The following PNMA8A variants were observed in gnomAD, a reference collection of about 807,000 sequenced individuals.
PNMA8A encodes the protein PNMA family member 8A.
Under a neutral mutation model 26.6 loss-of-function variants are expected in PNMA8A, and 17 were observed. The ratio of observed to expected loss-of-function variants is 0.64; its 90% CI spans 0.44 to 0.96. The LOEUF is 0.96. Ranked by LOEUF, PNMA8A falls within the 40% of genes least tolerant of loss-of-function variation. The pLI, the probability that PNMA8A is intolerant of heterozygous loss-of-function variation, is 0.00. For synonymous variants in PNMA8A, 224 were observed against 182.0 expected (o/e 1.23, Z -1.86); for missense variants, 532 against 488.4 (o/e 1.09, Z -0.84).
At position 46,469,807 on chromosome 19, in the gene PNMA8A, G is replaced by A; in HGVS notation, c.1229C>T (p.Pro410Leu). Residue 410 changes from proline to leucine, a missense_variant, in exon 2 of 3, where the codon CCT (proline) becomes CTT (leucine). Transcript: ENST00000313683. ...SDQKAPRGQQ[P>L]AEATASTSRG... The stretch of plus-strand genomic sequence containing the variant: ...AGAGGTTGAGGCTGTTGCCTCGGCA[G>A]GCTGCTGGCCCCGAGGGGCCTTCTG... 6.2e-7 allele frequency: 1 copy of A among 1,614,222 alleles called. No individual in the cohort carries two copies. Among genetic ancestry groups the A allele is most frequent in the Non-Finnish European group, 8.5e-7 (1 of 1,180,034 alleles).
rs751903227 is a variant in PNMA8A, at chr19:46,470,212, T to C, written c.824A>G (p.Glu275Gly). The change falls in exon 2 of 3, where the codon GAG becomes GGG. Residue 275 changes from glutamate (E) to glycine (G), a missense_variant. By Grantham distance (98) the Glu-to-Gly change is moderately conservative. Transcript: ENST00000313683. The stretch of plus-strand genomic sequence containing the variant: ...CGCCATGCTTTCAGCATCACCCACC[T>C]CAGGATCCTCCAAGTTAGCTGTGCT... Reference protein sequence around the residue: ...SNSTANLEDPEVGDAESMAIS... With the variant: ...SNSTANLEDPGVGDAESMAIS... 2 of 1,614,202 alleles carry C rather than the reference T, an allele frequency of 1.2e-6. No homozygotes were observed. The highest frequency in any genetic ancestry group is 4.5e-5 in the East Asian group (2 of 44,884).
In PNMA8A at chr19:46,470,968, C is replaced by T. The variant is rs1601489264; in HGVS notation, c.68G>A (p.Arg23Lys). The change falls in exon 2 of 3, where the codon AGG becomes AAG. Residue 23 changes from arginine to lysine, a missense_variant. By Grantham distance (26) the Arg-to-Lys change is conservative. Transcript: ENST00000313683. ...WCRGMEVDIHRSLLVTGIPED... is the reference protein window; with the variant it reads ...WCRGMEVDIHKSLLVTGIPED... The stretch of plus-strand genomic sequence containing the variant: ...TGGGATGCCTGTGACCAACAAGGAC[C>T]TGTGGATGTCCACTTCCATTCCCCT... The T allele has an allele frequency of 1.3e-6, 1 of 780,916 alleles. No homozygotes were observed. The highest frequency in any genetic ancestry group is 2.4e-6 in the Non-Finnish European group (1 of 418,086). The allele number at this position is 780,916 out of a possible 1,614,324, so 48.4% of individuals were successfully genotyped here.
Position 46,469,841 on chromosome 19 carries a change from C to A in PNMA8A, c.1195G>T (p.Ala399Ser). 1 of 1,614,256 alleles carries A rather than the reference C, an allele frequency of 6.2e-7. No homozygotes were observed. The highest frequency in any genetic ancestry group is 8.5e-7 in the Non-Finnish European group (1 of 1,180,048). ...PKKGPGSRRE[A>S]SDQKAPRGQQ... The stretch of plus-strand genomic sequence containing the variant: ...CCCCGAGGGGCCTTCTGATCTGATG[C>A]CTCCCTTCTTGAGCCTGGCCCTTTC... Residue 399 changes from alanine (A) to serine (S), a missense_variant, in exon 2 of 3, where the codon GCA becomes TCA. Ala to Ser is a moderately conservative substitution (Grantham distance 99). Coordinates refer to ENST00000313683, the MANE Select transcript of PNMA8A (RefSeq NM_018215.4).
intron 2 of PNMA8A, 92 bp downstream of exon 2, chr19:46,469,641 C>G: frequency 7.2e-7 from 1 of 1,392,124 alleles, no homozygotes; most frequent in African/African-American, 1.4e-5. Flanking sequence ...CCCACCACCT[C>G]CTCGGGCTCC....
Position 46,468,302 on chromosome 19 carries a change from C to T in PNMA8A, c.*259G>A. On this transcript the variant is annotated 3_prime_UTR_variant, in exon 3 of 3. Coordinates refer to ENST00000313683, the MANE Select transcript of PNMA8A (RefSeq NM_018215.4). The stretch of plus-strand genomic sequence containing the variant: ...AGAATTTTCCCAATCCTCTTACCAA[C>T]TCTCCTGCCTCCGAAGAGAAGGTGA... The T allele has an allele frequency of 4.1e-6, 2 of 483,750 alleles. No individual in the cohort carries two copies. The highest frequency in any genetic ancestry group is 7.4e-6 in the Non-Finnish European group (2 of 270,482). The allele number at this position is 483,750 out of a possible 1,614,324, so 30.0% of individuals were successfully genotyped here.
At position 46,469,644 on chromosome 19, in the gene PNMA8A, C is replaced by T. The variant is rs565891520; in HGVS notation, c.1303+89G>A. ...TCACCCGCTTGACCCACCACCTCCT[C>T]GGGCTCCTCTGCCCCACCTGCCACT... On this transcript the variant is annotated intron_variant, in intron 2 of 2. Coordinates refer to ENST00000313683, the MANE Select transcript of PNMA8A (RefSeq NM_018215.4). 94 of 1,403,050 alleles carry T rather than the reference C, an allele frequency of 6.7e-5. No homozygotes were observed. The East Asian group carries it at 1.6e-3, about 23-fold the overall frequency. 86.9% of individuals were successfully genotyped at this position (1,403,050 alleles called of 1,614,324 possible). A position where few individuals can be genotyped will look rare whatever the true frequency, so the allele number is the denominator to read the frequency against.
rs774965879 is a variant in PNMA8A at position 46,470,374 on chromosome 19, G to A, written c.662C>T (p.Thr221Met). 27 of 1,613,904 alleles carry A rather than the reference G, an allele frequency of 1.7e-5. No homozygotes were observed. Among genetic ancestry groups the A allele is most frequent in the African/African-American group, 2.7e-5 (2 of 74,932 alleles). ...TTTGGTAGGCTCATGCTGGTCTTCC[G>A]TGGCATTCCAGTTGTTGGGGGTCTC... ...KAETPNNWNA[T>M]EDQHEPTKPL... Residue 221 changes from threonine (T) to methionine (M), a missense_variant, in exon 2 of 3, where the codon ACG becomes ATG. Thr to Met is a moderately conservative substitution (Grantham distance 81). Transcript: ENST00000313683.
In PNMA8A at chr19:46,469,943, T is replaced by C. The variant is rs115683099; in HGVS notation, c.1093A>G (p.Lys365Glu). The C allele has an allele frequency of 6.2e-7, 1 of 1,614,070 alleles. No individual in the cohort carries two copies. The highest frequency in any genetic ancestry group is 2.2e-5 in the East Asian group (1 of 44,874). ...AKNPAPMRKK[K>E]KVSLGPVSYV... ...GAGACAGGGCCCAAGCTCACCTTCT[T>C]CTTCTTCCTCATGGGAGCGGGGTTC... Residue 365 changes from lysine to glutamate, a missense_variant, in exon 2 of 3, where the codon AAG becomes GAG. Transcript: ENST00000313683.
Position 46,470,404 on chromosome 19 carries a change from T to G in PNMA8A, c.632A>C (p.Lys211Thr). Residue 211 changes from lysine (K) to threonine (T), a missense_variant, in exon 2 of 3, where the codon AAG becomes ACG. By Grantham distance (78) the Lys-to-Thr change is moderately conservative. Transcript: ENST00000313683. ...ATTCCAGTTGTTGGGGGTCTCTGCC[T>G]TTAAGGCAGAACCCACCTCTGCTGC... The part of the protein sequence containing the change: ...GLAAEVGSAL[K>T]AETPNNWNAT... The G allele has an allele frequency of 6.2e-7, 1 of 1,614,082 alleles. No individual in the cohort carries two copies. The highest frequency in any genetic ancestry group is 1.1e-5 in the South Asian group (1 of 91,088).
chr19:46,470,624 T>G lies in PNMA8A; in HGVS notation c.412A>C (p.Asn138His), dbSNP rs146041304. The stretch of plus-strand genomic sequence containing the variant: ...CAGTTCTCTGGGGGCTGATGCTGGT[T>G]CTGGGACAGGGTGGGGTGGTTGAGC... Reference protein sequence around the residue: ...LQLNHPTLSQNQHQPPENWAE... With the variant: ...LQLNHPTLSQHQHQPPENWAE... Residue 138 changes from asparagine (N) to histidine (H), a missense_variant, in exon 2 of 3, where the codon AAC becomes CAC. Coordinates refer to ENST00000313683, the MANE Select transcript of PNMA8A (RefSeq NM_018215.4). 367 of 1,604,044 alleles carry G rather than the reference T, an allele frequency of 2.3e-4. No individual in the cohort carries two copies. The highest frequency in any genetic ancestry group is 3.0e-4 in the Non-Finnish European group (354 of 1,170,832).
At position 46,466,873 on chromosome 19, in the gene PNMA8A, C is replaced by T. The variant is rs922601758; in HGVS notation, c.*1688G>A. On this transcript the variant is annotated 3_prime_UTR_variant, in exon 3 of 3. Transcript: ENST00000313683. Reference sequence around the variant, plus strand: ...AAAAACTGAAGTCGGAAAAGACGCCCTGAAAACTTGCAAGGGCTAATACTC... The same window carrying T: ...AAAAACTGAAGTCGGAAAAGACGCCTTGAAAACTTGCAAGGGCTAATACTC... The T allele has an allele frequency of 2.6e-5, 4 of 152,180 alleles. No homozygotes were observed. The highest frequency in any genetic ancestry group is 9.6e-5 in the African/African-American group (4 of 41,456). The allele number at this position is 152,180 out of a possible 1,614,324, so 9.4% of individuals were successfully genotyped here.
rs3826852 is a variant in PNMA8A at position 46,471,050 on chromosome 19, C to T, written c.-15G>A. The T allele has an allele frequency of 0.74, 554,110 of 747,864 alleles. 206,493 individuals carry two copies. Among genetic ancestry groups the T allele is most frequent in the East Asian group, 0.87 (35,356 of 40,818 alleles). 46.3% of individuals were successfully genotyped at this position (747,864 alleles called of 1,614,324 possible). On this transcript the variant is annotated 5_prime_UTR_variant, in exon 2 of 3. Coordinates refer to ENST00000313683, the MANE Select transcript of PNMA8A (RefSeq NM_018215.4). ...GTCTTGGACATTTAGCGGCTCTGAACCTACTATGTGTAGTAAATAGTCTAT... is the reference window on the plus strand; with the variant it reads ...GTCTTGGACATTTAGCGGCTCTGAATCTACTATGTGTAGTAAATAGTCTAT...
Position 46,470,436 on chromosome 19 carries a change from C to G in PNMA8A, c.600G>C (p.Pro200=), listed in dbSNP as rs73552938. The G allele has an allele frequency of 4.2e-5, 67 of 1,613,934 alleles. No homozygotes were observed. Among genetic ancestry groups the G allele is most frequent in the Non-Finnish European group, 5.3e-5 (62 of 1,180,028 alleles). ...CAGAACCCACCTCTGCTGCAAGCCCCGGTTCTTTCTTCACCTTCCTCCCTG... is the reference window on the plus strand; with the variant it reads ...CAGAACCCACCTCTGCTGCAAGCCCGGGTTCTTTCTTCACCTTCCTCCCTG... ...LAAGRKVKKE[P]GLAAEVGSAL... The change falls in exon 2 of 3, where the codon CCG becomes CCC. Residue 200 remains proline (P), a synonymous_variant. Coordinates refer to ENST00000313683, the MANE Select transcript of PNMA8A (RefSeq NM_018215.4).
chr19:46,471,056 A>G lies in PNMA8A; in HGVS notation c.-21T>C, dbSNP rs766580581. 27 of 732,854 alleles carry G rather than the reference A, an allele frequency of 3.7e-5. No homozygotes were observed. The highest frequency in any genetic ancestry group is 6.4e-5 in the Non-Finnish European group (25 of 393,284). The allele number at this position is 732,854 out of a possible 1,614,324, so 45.4% of individuals were successfully genotyped here. A position where few individuals can be genotyped will look rare whatever the true frequency, so the allele number is the denominator to read the frequency against. Reference sequence around the variant, plus strand: ...GACATTTAGCGGCTCTGAACCTACTATGTGTAGTAAATAGTCTATCAGGTG... The same window carrying G: ...GACATTTAGCGGCTCTGAACCTACTGTGTGTAGTAAATAGTCTATCAGGTG... On this transcript the variant is annotated 5_prime_UTR_variant, in exon 2 of 3. Coordinates refer to ENST00000313683, the MANE Select transcript of PNMA8A (RefSeq NM_018215.4).
rs1215734139 is a variant in PNMA8A at position 46,470,774 on chromosome 19, C to T, written c.262G>A (p.Gly88Arg). 5 of 787,880 alleles carry T rather than the reference C, an allele frequency of 6.3e-6. No individual in the cohort carries two copies. The Admixed American group carries it at 8.5e-5, about 13-fold the overall frequency. 48.8% of individuals were successfully genotyped at this position (787,880 alleles called of 1,614,324 possible). ...NLSTIPREFPGRGGVWRVVCR... is the reference protein window; with the variant it reads ...NLSTIPREFPRRGGVWRVVCR... ...ACCACTCTCCAGACACCACCCCTTC[C>T]TGGGAATTCACGGGGGATGGTGCTC... The change falls in exon 2 of 3, where the codon GGA (glycine) becomes AGA (arginine). Residue 88 changes from glycine (G) to arginine (R), a missense_variant. Physicochemically the swap from Gly to Arg is moderately radical, Grantham distance 125 (BLOSUM62 -2). Coordinates refer to ENST00000313683, the MANE Select transcript of PNMA8A (RefSeq NM_018215.4).
Position 46,468,621 on chromosome 19 carries a change from G to A in PNMA8A, c.1304-44C>T, listed in dbSNP as rs750552352. ...ACAGATCAAGAAGGGAAGCAGAGAG[G>A]TGTCATTAGGAAATGCATTACTTCC... On this transcript the variant is annotated intron_variant, in intron 2 of 2. Coordinates refer to ENST00000313683, the MANE Select transcript of PNMA8A (RefSeq NM_018215.4). 3.9e-6 allele frequency: 6 copies of A among 1,535,124 alleles called. No homozygotes were observed. The Admixed American group carries it at 6.7e-5, about 17-fold the overall frequency.
chr19:46,469,028 G>A (rs1440181199), intron 2 of PNMA8A, among the ~76,000 whole-genome samples: 1 of 151,804 alleles, frequency 6.6e-6, no homozygotes, highest in Admixed American at 6.6e-5. Flanking sequence ...TAGAGATGGG[G>A]TTTCACCATG....
In PNMA8A at chr19:46,469,879, G is replaced by A. The variant is rs566027918; in HGVS notation, c.1157C>T (p.Pro386Leu). 1.1e-5 allele frequency: 18 copies of A among 1,614,178 alleles called. No homozygotes were observed. The highest frequency in any genetic ancestry group is 1.7e-5 in the Admixed American group (1 of 60,018). Reference protein sequence around the residue: ...LVDSEDGRKKPVMPKKGPGSR... With the variant: ...LVDSEDGRKKLVMPKKGPGSR... ...GCCTGGCCCTTTCTTTGGCATCACCGGCTTCTTCCTGCCATCTTCTGAGTC... is the reference window on the plus strand; with the variant it reads ...GCCTGGCCCTTTCTTTGGCATCACCAGCTTCTTCCTGCCATCTTCTGAGTC... The change falls in exon 2 of 3, where the codon CCG becomes CTG. Residue 386 changes from proline (P) to leucine (L), a missense_variant. Physicochemically the swap from Pro to Leu is moderately conservative, Grantham distance 98 (BLOSUM62 -3). Coordinates refer to ENST00000313683, the MANE Select transcript of PNMA8A (RefSeq NM_018215.4).
Position 46,470,325 on chromosome 19 carries a change from A to AG in PNMA8A, c.710dup (p.Lys238Ter), listed in dbSNP as rs773644853. 10 of 1,613,840 alleles carry AG rather than the reference A, an allele frequency of 6.2e-6. No homozygotes were observed. Among genetic ancestry groups the AG allele is most frequent in the African/African-American group, 4.0e-5 (3 of 74,924 alleles). On this transcript the variant is annotated frameshift_variant, in exon 2 of 3. Transcript: ENST00000313683. LOFTEE classifies it high-confidence loss of function. ...GCTTCTTTCTCCTGGAGCGAGACTT[A>AG]GCTCCAGCCCTGCGAACCAAAGGTT...
Sources: gnomAD v4.1 joint callset for allele counts (sites outside exome capture counted in the v4.1 genomes callset) on GRCh38, gnomAD v4.1.1 for gene constraint, MANE v1.5 for transcripts, NCBI Gene and HGNC (gene_info 2026-07-23, HGNC 2026-07-21) for gene names.